The following CTDSPL variants were observed in gnomAD, a reference collection of about 807,000 sequenced individuals.
CTDSPL encodes CTD small phosphatase like, also known as CTD small phosphatase-like protein.
Under a neutral mutation model 30.5 loss-of-function variants are expected in CTDSPL, and 8 were observed. The ratio of observed to expected loss-of-function variants is 0.26; its 90% CI spans 0.15 to 0.47. CTDSPL has a LOEUF of 0.47. Ranked by LOEUF, CTDSPL falls within the 20% of genes least tolerant of loss-of-function variation. The pLI, the probability that CTDSPL is intolerant of heterozygous loss-of-function variation, is 0.99. For missense variants in CTDSPL, 248 were observed against 366.1 expected (o/e 0.68, Z 2.63); for synonymous variants, 110 against 137.9 (o/e 0.80, Z 1.42).
chr3:37,968,485 C>T (rs770257018), intron 5 of CTDSPL: 6 of 227,608 alleles, frequency 2.6e-5, no homozygotes, highest in African/African-American at 7.0e-5. Context: ...AAAGCTCTTC[C>T]GGAAATAACT....
chr3:37,957,874 G>A (rs1331698081), intron 3 of CTDSPL, among the ~76,000 whole-genome samples: 1 of 152,190 alleles, frequency 6.6e-6, no homozygotes, highest in Non-Finnish European at 1.5e-5. Flanking sequence ...CAGTCAGTAA[G>A]AAGTAAACTG....
At chr3:37,979,300 TA>T (rs781634182) in intron 7 of CTDSPL, among the ~76,000 whole-genome samples, 38 of 138,872 alleles carry the variant, frequency 2.7e-4, no homozygotes, top group Non-Finnish European at 4.3e-4. Flanking sequence ...CTGTCGCTAC[TA>T]AAAAAAAAAG....
rs1488321289 is a variant in CTDSPL at position 37,981,013 on chromosome 3, G to A, written c.*146G>A. 1.2e-6 allele frequency: 1 copy of A among 825,614 alleles called. No homozygotes were observed. The highest frequency in any genetic ancestry group is 1.8e-5 in the African/African-American group (1 of 55,746). The allele number at this position is 825,614 out of a possible 1,614,324, so 51.1% of individuals were successfully genotyped here. ...GAATGTGGCCATGCCTACCTGTTTT[G>A]TTTTTTTAAGAACAGAAACAACTAT... On this transcript the variant is annotated 3_prime_UTR_variant, in exon 8 of 8. Coordinates refer to ENST00000273179, the MANE Select transcript of CTDSPL (RefSeq NM_001008392.2).
intron 2 of CTDSPL, among the ~76,000 whole-genome samples, chr3:37,947,574 AAAAAG>A (rs1343358370): frequency 6.6e-6 from 1 of 152,208 alleles, no homozygotes; most frequent in Non-Finnish European, 1.5e-5. Context: ...AACAAAAAAC[AAAAAG>A]AAAAGAATAT....
intron 1 of CTDSPL, among the ~76,000 whole-genome samples, chr3:37,923,045 G>A (rs1004063999): frequency 1.3e-5 from 2 of 152,194 alleles, no homozygotes; most frequent in African/African-American, 2.4e-5. Flanking sequence ...TAGAGCTACC[G>A]AGGGGCTGTA....
At chr3:37,963,134 G>A (rs192318704) in intron 3 of CTDSPL, among the ~76,000 whole-genome samples, 1 of 152,336 alleles carries the variant, frequency 6.6e-6, no homozygotes, top group African/African-American at 2.4e-5. Context: ...TGCAGGATTA[G>A]GGAGGATTGC....
chr3:37,924,635 A>G (rs944338497), intron 1 of CTDSPL, among the ~76,000 whole-genome samples: 3 of 152,216 alleles, frequency 2.0e-5, no homozygotes, highest in African/African-American at 7.2e-5. Flanking sequence ...TTCTAAAATT[A>G]GGGATTCTGT....
chr3:37,913,631 T>A (rs1398014), intron 1 of CTDSPL, among the ~76,000 whole-genome samples: 46,143 of 152,104 alleles, frequency 0.3, 8,834 homozygotes, highest in African/African-American at 0.54. Flanking sequence ...TCTCATTTCA[T>A]ATCAGAATTT....
At chr3:37,895,521 A>G (rs77387091) in intron 1 of CTDSPL, among the ~76,000 whole-genome samples, 1,777 of 152,318 alleles carry the variant, frequency 0.012, 36 homozygotes, top group African/African-American at 0.04. Context: ...AGTTTTAGCC[A>G]TGCAGCATGG....
intron 1 of CTDSPL, among the ~76,000 whole-genome samples, chr3:37,935,178 G>GT (rs1323114131): frequency 6.6e-6 from 1 of 152,168 alleles, no homozygotes; most frequent in Non-Finnish European, 1.5e-5. Flanking sequence ...ATACTTCATA[G>GT]TCTTTGGCAC....
intron 1 of CTDSPL, among the ~76,000 whole-genome samples, chr3:37,903,747 TG>T (rs1250310774): frequency 6.6e-6 from 1 of 152,194 alleles, no homozygotes; most frequent in African/African-American, 2.4e-5. Flanking sequence ...CAGAGCTTCT[TG>T]GGGACAAAAG....
chr3:37,970,628 C>G (rs916618149), intron 5 of CTDSPL, among the ~76,000 whole-genome samples: 1 of 152,180 alleles, frequency 6.6e-6, no homozygotes, highest in African/African-American at 2.4e-5. Context: ...GCTCCCTAAT[C>G]AAGAACCTAT....
chr3:37,978,479 CA>C (rs1699454255), intron 7 of CTDSPL, among the ~76,000 whole-genome samples: 1 of 152,194 alleles, frequency 6.6e-6, no homozygotes, highest in African/African-American at 2.4e-5. Flanking sequence ...AGCTTATACA[CA>C]TAGCCTAAAG....
intron 1 of CTDSPL, among the ~76,000 whole-genome samples, chr3:37,919,807 C>G (rs865822229): frequency 2.6e-5 from 4 of 152,108 alleles, no homozygotes; most frequent in African/African-American, 9.7e-5. Context: ...TCGCTGGGCC[C>G]TGGGGGAAAC....
chr3:37,965,028 G>C (rs778929932), intron 4 of CTDSPL, among the ~76,000 whole-genome samples: 24 of 152,078 alleles, frequency 1.6e-4, no homozygotes, highest in Non-Finnish European at 2.8e-4. Flanking sequence ...AGTGCTATGT[G>C]TTTTATTGGG....
chr3:37,941,985 G>A (rs926490648), intron 1 of CTDSPL, among the ~76,000 whole-genome samples: 1 of 150,322 alleles, frequency 6.7e-6, no homozygotes, highest in African/African-American at 2.4e-5. Context: ...AATTAAGTAA[G>A]GGGATTGGGG....
At chr3:37,977,906 A>G (rs1390055331) in intron 7 of CTDSPL, among the ~76,000 whole-genome samples, 1 of 152,140 alleles carries the variant, frequency 6.6e-6, no homozygotes, top group East Asian at 1.9e-4. Context: ...CAAAAAAAAG[A>G]AGAAAAAAAT....
chr3:37,869,166 A>G (rs1234474108), intron 1 of CTDSPL, among the ~76,000 whole-genome samples: 2 of 152,244 alleles, frequency 1.3e-5, no homozygotes, highest in East Asian at 1.9e-4. Flanking sequence ...TAATTGATAC[A>G]TCATAGTTTT....
At chr3:37,925,175 G>A (rs1698767466) in intron 1 of CTDSPL, among the ~76,000 whole-genome samples, 2 of 152,112 alleles carry the variant, frequency 1.3e-5, no homozygotes, top group Admixed American at 1.3e-4. Flanking sequence ...ACAGAAGTCT[G>A]CCCTGCCCAG....
Sources: gnomAD v4.1 joint callset for allele counts (sites outside exome capture counted in the v4.1 genomes callset) on GRCh38, gnomAD v4.1.1 for gene constraint, MANE v1.5 for transcripts, NCBI Gene and HGNC (gene_info 2026-07-23, HGNC 2026-07-21) for gene names.